PTPRT: variants seen among roughly 807,000 people sequenced by gnomAD.
The protein encoded by PTPRT is receptor-type tyrosine-protein phosphatase T.
Under a neutral mutation model 176.8 loss-of-function variants are expected in PTPRT, and 56 were observed. The observed-to-expected ratio is 0.32, with a 90% confidence interval of 0.26 to 0.40. The LOEUF (loss-of-function observed/expected upper bound fraction) is 0.40. Among genes scored for constraint, PTPRT ranks in the 10% least tolerant of loss-of-function variants. The pLI is 1.00. For synonymous variants in PTPRT, 783 were observed against 739.0 expected (o/e 1.06, Z -0.96); for missense variants, 1,540 against 1,908.2 (o/e 0.81, Z 3.60).
chr20:42,130,309 G>C (rs980975400), intron 18 of PTPRT, among the ~76,000 whole-genome samples: 3 of 152,230 alleles, frequency 2.0e-5, no homozygotes, highest in Non-Finnish European at 2.9e-5. Flanking sequence ...GATGGAGGGA[G>C]GTGGTGGAGT....
At chr20:42,635,629 T>C (rs895452013) in intron 7 of PTPRT, among the ~76,000 whole-genome samples, 1 of 152,152 alleles carries the variant, frequency 6.6e-6, no homozygotes, top group African/African-American at 2.4e-5. Flanking sequence ...ATGATTACAT[T>C]TGAACAAATA....
intron 9 of PTPRT, among the ~76,000 whole-genome samples, chr20:42,355,908 C>T (rs778765019): frequency 1.3e-5 from 2 of 152,140 alleles, no homozygotes; most frequent in Non-Finnish European, 2.9e-5. Context: ...TATAATATAC[C>T]GCGCTCTTCT....
At chr20:42,812,557 G>A (rs1163073234) in intron 2 of PTPRT, among the ~76,000 whole-genome samples, 3 of 152,064 alleles carry the variant, frequency 2.0e-5, no homozygotes, top group Admixed American at 6.5e-5. Context: ...CTGGTGAGTA[G>A]GTAAAATGGT....
chr20:42,204,092 T>C (rs1600671996), intron 15 of PTPRT, among the ~76,000 whole-genome samples: 1 of 152,232 alleles, frequency 6.6e-6, no homozygotes, highest in East Asian at 1.9e-4. Flanking sequence ...TACAACCACT[T>C]TAAAAGTAGA....
chr20:42,634,073 ATAAT>A (rs1430532375), intron 7 of PTPRT, among the ~76,000 whole-genome samples: 1 of 42,352 alleles, frequency 2.4e-5, no homozygotes, highest in African/African-American at 1.2e-4. Flanking sequence ...TAATATATAT[ATAAT>A]ATATATATAA....
At chr20:42,332,067 G>C (rs369078112) in intron 11 of PTPRT, among the ~76,000 whole-genome samples, 3 of 152,028 alleles carry the variant, frequency 2.0e-5, no homozygotes. Context: ...GAAGGTCCTC[G>C]ATGAAGCAGT....
At chr20:42,339,023 T>C (rs1339795115) in intron 11 of PTPRT, among the ~76,000 whole-genome samples, 1 of 152,186 alleles carries the variant, frequency 6.6e-6, no homozygotes, top group Non-Finnish European at 1.5e-5. Context: ...CGCGTGCATA[T>C]TGCTGCAGCA....
intron 1 of PTPRT, among the ~76,000 whole-genome samples, chr20:43,153,982 T>G (rs1264173356): frequency 6.6e-6 from 1 of 152,202 alleles, no homozygotes; most frequent in African/African-American, 2.4e-5. Context: ...CTGCTGCAAG[T>G]TCCTTGCAGG....
chr20:42,447,633 ATTGTG>A (rs1422055632), intron 9 of PTPRT, among the ~76,000 whole-genome samples: 1 of 152,086 alleles, frequency 6.6e-6, no homozygotes, highest in Non-Finnish European at 1.5e-5. Flanking sequence ...TGGAAGGCAC[ATTGTG>A]TTGGCTTGAT....
chr20:42,526,003 C>T (rs2072261119), intron 7 of PTPRT, among the ~76,000 whole-genome samples: 1 of 151,124 alleles, frequency 6.6e-6, no homozygotes, highest in South Asian at 2.1e-4. Flanking sequence ...TTTAATGTTA[C>T]TATGGAGAGT....
intron 1 of PTPRT, among the ~76,000 whole-genome samples, chr20:43,096,592 C>A (rs746891540): frequency 2.0e-5 from 3 of 152,244 alleles, no homozygotes; most frequent in Non-Finnish European, 4.4e-5. Context: ...TCCCGCCCCC[C>A]ATCCACAGCT....
the PTPRT span, among the ~76,000 whole-genome samples, chr20:42,053,498 G>A: frequency 4.6e-5 from 7 of 152,232 alleles, no homozygotes; most frequent in Non-Finnish European, 1.0e-4. Context: ...CTCAGACAAC[G>A]AGGGCATTTC....
At chr20:42,563,027 G>A (rs6102908) in intron 7 of PTPRT, among the ~76,000 whole-genome samples, 1 of 151,932 alleles carries the variant, frequency 6.6e-6, no homozygotes, top group Non-Finnish European at 1.5e-5. Context: ...AGTGTAATAA[G>A]GTTAAAAGCA....
chr20:42,286,588 T>C (rs1047345810), intron 12 of PTPRT, among the ~76,000 whole-genome samples: 13 of 151,686 alleles, frequency 8.6e-5, no homozygotes, highest in Admixed American at 6.6e-5. Flanking sequence ...CAACTCAAAA[T>C]GGATAAGAGA....
intron 1 of PTPRT, among the ~76,000 whole-genome samples, chr20:42,956,785 G>C (rs1192149049): frequency 1.3e-5 from 2 of 152,096 alleles, no homozygotes; most frequent in Admixed American, 1.3e-4. Context: ...CAGCAACAAC[G>C]GTCAGGACTA....
chr20:42,483,024 G>C (rs1006568632), intron 7 of PTPRT, among the ~76,000 whole-genome samples: 3 of 152,170 alleles, frequency 2.0e-5, no homozygotes, highest in African/African-American at 7.2e-5. Context: ...CAAATAAAAA[G>C]TGTTCTGAAG....
At chr20:42,738,078 G>A (rs146137859) in intron 6 of PTPRT, among the ~76,000 whole-genome samples, 3 of 152,256 alleles carry the variant, frequency 2.0e-5, no homozygotes, top group Middle Eastern at 3.4e-3. Flanking sequence ...CAGAAGTGTA[G>A]GTGCATGCCC....
chr20:42,634,412 A>G (rs1210285483), intron 7 of PTPRT, among the ~76,000 whole-genome samples: 1 of 151,380 alleles, frequency 6.6e-6, no homozygotes, highest in Non-Finnish European at 1.5e-5. Context: ...AAGCAGCCCA[A>G]ATCCCTGAGT....
chr20:42,605,686 A>T (rs900969887), intron 7 of PTPRT, among the ~76,000 whole-genome samples: 11 of 152,220 alleles, frequency 7.2e-5, no homozygotes, highest in African/African-American at 2.4e-4. Context: ...GCAAAGACCG[A>T]TCTGCACAGG....
Sources: gnomAD v4.1 joint callset for allele counts (sites outside exome capture counted in the v4.1 genomes callset) on GRCh38, gnomAD v4.1.1 for gene constraint, MANE v1.5 for transcripts, NCBI Gene and HGNC (gene_info 2026-07-23, HGNC 2026-07-21) for gene names.